Variants in FBXO11 observed in about 807,000 individuals in gnomAD.
FBXO11 encodes F-box only protein 11.
Under a neutral mutation model 117.0 loss-of-function variants are expected in FBXO11, and 13 were observed. The observed-to-expected ratio is 0.11, with a 90% CI of 0.07 to 0.18. FBXO11 has a LOEUF of 0.18. Among genes scored for constraint, FBXO11 ranks in the 10% least tolerant of loss-of-function variants. The probability of loss-of-function intolerance (pLI) is 1.00; values close to 1 mark genes in which losing one functional copy is unlikely to be tolerated. For missense variants in FBXO11, 767 were observed against 1,164.4 expected (o/e 0.66, Z 4.97); for synonymous variants, 490 against 380.5 (o/e 1.29, Z -3.35).
Position 47,834,908 on chromosome 2 carries a change from T to G in FBXO11, c.718-37A>C, listed in dbSNP as rs373633951. 82 of 1,416,386 alleles carry G rather than the reference T, an allele frequency of 5.8e-5. No individual in the cohort carries two copies. The African/African-American group carries it at 1.1e-3, about 18-fold the overall frequency. 87.7% of individuals were successfully genotyped at this position (1,416,386 alleles called of 1,614,324 possible). A position where few individuals can be genotyped will look rare whatever the true frequency, so the allele number is the denominator to read the frequency against. ...AAAACAAAACAAAACCATTGACTACTAACATAAACCTTATATTTAAATTAA... is the reference window on the plus strand; with the variant it reads ...AAAACAAAACAAAACCATTGACTACGAACATAAACCTTATATTTAAATTAA... On this transcript the variant is annotated intron_variant, in intron 5 of 22. Coordinates refer to ENST00000403359, the MANE Select transcript of FBXO11 (RefSeq NM_001190274.2).
At chr2:47,858,856 T>C (rs1347306676) in intron 1 of FBXO11, among the ~76,000 whole-genome samples, 2 of 150,776 alleles carry the variant, frequency 1.3e-5, no homozygotes, top group African/African-American at 4.9e-5. Context: ...CAGGTCAACA[T>C]GGTGAAACCC....
intron 1 of FBXO11, among the ~76,000 whole-genome samples, chr2:47,902,705 A>G (rs914542004): frequency 4.6e-5 from 7 of 152,162 alleles, no homozygotes; most frequent in African/African-American, 1.7e-4. Flanking sequence ...GCCTGAAAAC[A>G]TATTATACTG....
intron 1 of FBXO11, among the ~76,000 whole-genome samples, chr2:47,849,684 T>A (rs1673703441): frequency 6.6e-6 from 1 of 152,188 alleles, no homozygotes; most frequent in Non-Finnish European, 1.5e-5. Context: ...CAATCTTAGA[T>A]GATGTGGGTA....
intron 11 of FBXO11, among the ~76,000 whole-genome samples, chr2:47,823,797 T>C (rs562583041): frequency 3.9e-5 from 6 of 151,916 alleles, no homozygotes. Context: ...AGTAGGTATA[T>C]ATACTAAGCT....
At chr2:47,891,949 A>G (rs1233622966) in intron 1 of FBXO11, among the ~76,000 whole-genome samples, 11 of 152,122 alleles carry the variant, frequency 7.2e-5, no homozygotes, top group Admixed American at 6.5e-4. Flanking sequence ...TCTTTAGCTC[A>G]TTTTTAAATA....
intron 1 of FBXO11, among the ~76,000 whole-genome samples, chr2:47,850,020 T>A (rs1046465381): frequency 6.6e-6 from 1 of 152,144 alleles, no homozygotes; most frequent in African/African-American, 2.4e-5. Context: ...TGGAAATGAA[T>A]AGCACTGGTG....
rs150563177 is a variant in FBXO11, at chr2:47,839,776, T to C, written c.233-7A>G. On this transcript the variant is annotated splice_region_variant and splice_polypyrimidine_tract_variant and intron_variant, in intron 1 of 22. Coordinates refer to ENST00000403359, the MANE Select transcript of FBXO11 (RefSeq NM_001190274.2). ...TCTGCAGGCACATCATCATCTGTTA[T>C]AAACAAAAGCAATAAGAAAAATTAT... 3,016 of 1,600,942 alleles carry C rather than the reference T, an allele frequency of 1.9e-3. 10 individuals carry two copies. The highest frequency in any genetic ancestry group is 2.2e-3 in the Non-Finnish European group (2,608 of 1,176,746).
At chr2:47,895,545 T>C (rs1260358197) in intron 1 of FBXO11, among the ~76,000 whole-genome samples, 1 of 152,244 alleles carries the variant, frequency 6.6e-6, no homozygotes, top group Non-Finnish European at 1.5e-5. Context: ...AGTAGTGCTT[T>C]ATTCCTTGCT....
chr2:47,903,647 T>A (rs983105780), intron 1 of FBXO11, among the ~76,000 whole-genome samples: 1 of 152,194 alleles, frequency 6.6e-6, no homozygotes, highest in Non-Finnish European at 1.5e-5. Flanking sequence ...ACAAGGAGAC[T>A]AAATTGTTTG....
chr2:47,811,252 G>C (rs1382333784), intron 18 of FBXO11: 1 of 152,234 alleles, frequency 6.6e-6, no homozygotes, highest in Non-Finnish European at 1.5e-5. Context: ...TTGAGACAGA[G>C]TCTCACTCTG....
intron 14 of FBXO11, 44 bp from the exon 15 acceptor site, chr2:47,819,122 C>T: frequency 1.3e-6 from 2 of 1,594,902 alleles, no homozygotes; most frequent in Non-Finnish European, 1.7e-6. Context: ...CTTCTATAAG[C>T]AAGGCGTTTA....
At chr2:47,865,139 T>A (rs1265502587) in intron 1 of FBXO11, among the ~76,000 whole-genome samples, 2 of 152,136 alleles carry the variant, frequency 1.3e-5, no homozygotes, top group Middle Eastern at 3.2e-3. Context: ...TAAATACCCA[T>A]CAATAAACAA....
chr2:47,890,935 A>G (rs1327086802), intron 1 of FBXO11, among the ~76,000 whole-genome samples: 2 of 151,934 alleles, frequency 1.3e-5, no homozygotes, highest in Non-Finnish European at 2.9e-5. Context: ...CTCCCATCTC[A>G]GCCTCCTGAG....
rs975859124 is a variant in FBXO11, at chr2:47,905,596, T to G, written c.125A>C (p.Gln42Pro). Residue 42 changes from glutamine (Q) to proline (P), a missense_variant, in exon 1 of 23, where the codon CAG (glutamine) becomes CCG (proline). By Grantham distance (76) the Gln-to-Pro change is moderately conservative. Coordinates refer to ENST00000403359, the MANE Select transcript of FBXO11 (RefSeq NM_001190274.2). ...PPQPPQQQPPQQQPPPPPQQQ... is the reference protein window; with the variant it reads ...PPQPPQQQPPPQQPPPPPQQQ... ...CTGCGGCGGCGGCGGAGGCTGCTGC[T>G]GGGGCGGCTGCTGCTGGGGCGGCTG... is the stretch of plus-strand genomic sequence containing the variant. 4 of 1,294,180 alleles carry G rather than the reference T, an allele frequency of 3.1e-6. No homozygotes were observed. The highest frequency in any genetic ancestry group is 3.9e-6 in the Non-Finnish European group (4 of 1,022,260). 80.2% of individuals were successfully genotyped at this position (1,294,180 alleles called of 1,614,324 possible).
intron 1 of FBXO11, among the ~76,000 whole-genome samples, chr2:47,886,127 A>G (rs1275420270): frequency 6.6e-6 from 1 of 152,128 alleles, no homozygotes; most frequent in Non-Finnish European, 1.5e-5. Context: ...ATGTATAATC[A>G]AACATGGGCA....
chr2:47,828,916 A>G (rs923223408), intron 11 of FBXO11, among the ~76,000 whole-genome samples: 1 of 152,038 alleles, frequency 6.6e-6, no homozygotes, highest in Non-Finnish European at 1.5e-5. Flanking sequence ...TATGCCATGA[A>G]TTTTTTTATT....
intron 1 of FBXO11, among the ~76,000 whole-genome samples, chr2:47,844,188 T>C (rs892990971): frequency 4.6e-5 from 7 of 152,252 alleles, no homozygotes; most frequent in African/African-American, 9.6e-5. Flanking sequence ...TTCCAAGTTT[T>C]ACTGTTTCTT....
At chr2:47,827,966 C>T (rs986249329) in intron 11 of FBXO11, among the ~76,000 whole-genome samples, 13 of 151,798 alleles carry the variant, frequency 8.6e-5, no homozygotes, top group Non-Finnish European at 1.5e-4. Flanking sequence ...CAAAGTGCTG[C>T]GATTACAGAG....
At chr2:47,835,751 G>A (rs1215855136) in intron 5 of FBXO11, 121 bp downstream of exon 5, 4 of 612,694 alleles carry the variant, frequency 6.5e-6, no homozygotes, top group African/African-American at 1.9e-5. Flanking sequence ...TCCTACCTCG[G>A]CCTCCCAAGG....
Sources: allele counts gnomAD v4.1 joint callset (sites outside exome capture counted in the v4.1 genomes callset), GRCh38; gene constraint gnomAD v4.1.1; transcripts MANE v1.5; gene names NCBI Gene and HGNC (gene_info 2026-07-23, HGNC 2026-07-21).